Variants in CAVIN1 observed in about 807,000 individuals in gnomAD.
CAVIN1 encodes caveolae-associated protein 1.
In CAVIN1, 16 loss-of-function variants were observed where a neutral mutation model predicts 24.0. The ratio of observed to expected loss-of-function variants is 0.67; its 90% confidence interval spans 0.45 to 1.01. The LOEUF (loss-of-function observed/expected upper bound fraction) is 1.01. Ranked by LOEUF, CAVIN1 falls within the 50% of genes least tolerant of loss-of-function variation. The pLI, the probability that CAVIN1 is intolerant of heterozygous loss-of-function variation, is 0.00. For missense variants in CAVIN1, 510 were observed against 551.7 expected, an observed-to-expected ratio of 0.92 and a Z score of 0.76; for synonymous variants, 256 against 256.4, an observed-to-expected ratio of 1.00 and a Z score of 0.02.
chr17:42,407,500 A>G (rs2085452773), intron 1 of CAVIN1, among the ~76,000 whole-genome samples: 1 of 151,728 alleles, frequency 6.6e-6, no homozygotes, highest in Non-Finnish European at 1.5e-5. Flanking sequence ...ACATCCCCCC[A>G]GAGTTTCCTG....
At position 42,423,044 on chromosome 17, in the gene CAVIN1, G is replaced by C. The variant is rs760165492; in HGVS notation, c.54C>G (p.Asp18Glu). 1.9e-6 allele frequency: 3 copies of C among 1,609,986 alleles called. No homozygotes were observed. Among genetic ancestry groups the C allele is most frequent in the African/African-American group, 1.3e-5 (1 of 74,778 alleles). ...CGGAGGAAGGCTCCGGGGCCTCGGC[G>C]TCGGGGTACCCGGGAAGCGGCCGCT... is the stretch of plus-strand genomic sequence containing the variant. ...IVERPLPGYPDAEAPEPSSAG... is the reference protein window; with the variant it reads ...IVERPLPGYPEAEAPEPSSAG... The change falls in exon 1 of 2, where the codon GAC becomes GAG. Residue 18 changes from aspartate to glutamate, a missense_variant. Physicochemically the swap from Asp to Glu is conservative, Grantham distance 45. Coordinates refer to ENST00000357037, the MANE Select transcript of CAVIN1 (RefSeq NM_012232.6).
At chr17:42,414,307 C>G (rs1336297872) in intron 1 of CAVIN1, among the ~76,000 whole-genome samples, 1 of 152,104 alleles carries the variant, frequency 6.6e-6, no homozygotes, top group Non-Finnish European at 1.5e-5. Flanking sequence ...TCCCTTTGGC[C>G]ACGTCCCCAC....
chr17:42,409,355 C>T (rs1353547042), intron 1 of CAVIN1, among the ~76,000 whole-genome samples: 1 of 152,168 alleles, frequency 6.6e-6, no homozygotes, highest in Non-Finnish European at 1.5e-5. Flanking sequence ...CTTGCCTCGG[C>T]CTCCCAAAGT....
rs531661585 is a variant in CAVIN1, at chr17:42,405,682, G to GTTTTTTTTTTTT, written c.472-306_472-295dup. Among the ~76,000 whole-genome samples, 897 of 57,538 alleles carry GTTTTTTTTTTTT rather than the reference G, an allele frequency of 0.016. 42 individuals are homozygous for GTTTTTTTTTTTT. Among genetic ancestry groups the GTTTTTTTTTTTT allele is most frequent in the African/African-American group, 0.03 (608 of 20,326 alleles). 37.7% of individuals were successfully genotyped at this position (57,538 alleles called of 152,430 possible). On this transcript the variant is annotated intron_variant, in intron 1 of 1. Coordinates refer to ENST00000357037, the MANE Select transcript of CAVIN1 (RefSeq NM_012232.6). ...CCATTCTTTCTCTCTCTCTCTCCTTGTTTTTTTTTTTTTTTTTTTTTTTAA... is the reference window on the plus strand; with the variant it reads ...CCATTCTTTCTCTCTCTCTCTCCTTGTTTTTTTTTTTTTTTTTTTTTTTTTTTTTTTTTTTAA...
Position 42,404,979 on chromosome 17 carries a change from C to T in CAVIN1, c.881G>A (p.Arg294Gln). Residue 294 changes from arginine (R) to glutamine (Q), a missense_variant, in exon 2 of 2, where the codon CGG becomes CAG. Transcript: ENST00000357037. Reference sequence around the variant, plus strand: ...CGTGAAGGATTTGCGCAACTTGTCCCGCGACGTCTTCAGTTTCTCGCGCCG... The same window carrying T: ...CGTGAAGGATTTGCGCAACTTGTCCTGCGACGTCTTCAGTTTCTCGCGCCG... ...AERREKLKTS[R>Q]DKLRKSFTPD... 6.2e-7 allele frequency: 1 copy of T among 1,614,126 alleles called. No individual in the cohort carries two copies. The highest frequency in any genetic ancestry group is 8.5e-7 in the Non-Finnish European group (1 of 1,180,000).
intron 1 of CAVIN1, among the ~76,000 whole-genome samples, chr17:42,421,483 G>T (rs2085544933): frequency 6.6e-6 from 1 of 152,106 alleles, no homozygotes; most frequent in Admixed American, 6.5e-5. Flanking sequence ...TGCCCCACAC[G>T]ATCCCGCCTC....
chr17:42,411,208 A>AAC (rs2085475849), intron 1 of CAVIN1, among the ~76,000 whole-genome samples: 1 of 138,792 alleles, frequency 7.2e-6, no homozygotes, highest in African/African-American at 2.6e-5. Context: ...AAAAAAAAAA[A>AAC]ACTAAAAGGT....
chr17:42,411,161 C>G (rs1247113729), intron 1 of CAVIN1, among the ~76,000 whole-genome samples: 1 of 115,424 alleles, frequency 8.7e-6, no homozygotes, highest in Non-Finnish European at 1.7e-5. Flanking sequence ...CCACTGCACT[C>G]CAACCTGGGT....
intron 1 of CAVIN1, 82 bp from the exon 2 acceptor site, chr17:42,405,470 GGA>G: frequency 9.2e-6 from 13 of 1,416,996 alleles, no homozygotes; most frequent in Non-Finnish European, 1.3e-5. Flanking sequence ...TGACGATCCT[GGA>G]GAGAGGGGAG....
chr17:42,420,257 G>C (rs911328911), intron 1 of CAVIN1, among the ~76,000 whole-genome samples: 1 of 152,172 alleles, frequency 6.6e-6, no homozygotes, highest in Non-Finnish European at 1.5e-5. Context: ...TACCATAAAT[G>C]CTGCTGCCCC....
intron 1 of CAVIN1, among the ~76,000 whole-genome samples, chr17:42,419,332 G>A (rs1016027405): frequency 1.4e-4 from 20 of 144,896 alleles, no homozygotes; most frequent in Admixed American, 1.2e-3. Flanking sequence ...TATTATTTTT[G>A]AGATGGAGTC....
chr17:42,421,804 C>A (rs2085548504), intron 1 of CAVIN1, among the ~76,000 whole-genome samples: 1 of 152,048 alleles, frequency 6.6e-6, no homozygotes, highest in Non-Finnish European at 1.5e-5. Context: ...CGCAGGCATG[C>A]GGGGTGATTC....
chr17:42,405,210 CG>C lies in CAVIN1; in HGVS notation c.649del (p.Arg217AlafsTer58), dbSNP rs760797731. On this transcript the variant is annotated frameshift_variant, in exon 2 of 2. Transcript: ENST00000357037. LOFTEE classifies it high-confidence loss of function. ...VEVEEVIEES[R>X]AERIKRSGLR... is the part of the protein sequence containing the mutation. ...GCCGCTGCGCTTGATACGCTCTGCG[CG>C]GGACTCCTCAATAACCTCCTCAACC... 1.2e-6 allele frequency: 2 copies of C among 1,614,040 alleles called. No homozygotes were observed. The highest frequency in any genetic ancestry group is 2.2e-5 in the South Asian group (2 of 91,090).
At chr17:42,412,252 T>C (rs976733555) in intron 1 of CAVIN1, 1 of 984,606 alleles carries the variant, frequency 1.0e-6, no homozygotes, top group Non-Finnish European at 1.2e-6. Context: ...CTTCTTGGGC[T>C]AAGATGAGGA....
At chr17:42,405,491 G>GT in intron 1 of CAVIN1, 103 bp from the exon 2 acceptor site, 1 of 1,221,274 alleles carries the variant, frequency 8.2e-7, no homozygotes, top group Non-Finnish European at 1.2e-6. Flanking sequence ...AGCATGGGAC[G>GT]CTCGTGGTCC....
At position 42,406,485 on chromosome 17, in the gene CAVIN1, C is replaced by T. The variant is rs1053242277; in HGVS notation, c.472-1097G>A. ...TGCCTCCCAGGTTCAAGCAATTCTCCTGCCTCAGCCTCCTGAGTAGCTGGG... is the reference window on the plus strand; with the variant it reads ...TGCCTCCCAGGTTCAAGCAATTCTCTTGCCTCAGCCTCCTGAGTAGCTGGG... On this transcript the variant is annotated intron_variant, in intron 1 of 1. Coordinates refer to ENST00000357037, the MANE Select transcript of CAVIN1 (RefSeq NM_012232.6). Among the ~76,000 whole-genome samples the T allele has an allele frequency of 1.3e-5, 2 of 152,058 alleles. 1 individual carries two copies. Among genetic ancestry groups the T allele is most frequent in the South Asian group, 4.1e-4 (2 of 4,822 alleles).
At chr17:42,409,371 G>C (rs1365095962) in intron 1 of CAVIN1, among the ~76,000 whole-genome samples, 1 of 152,198 alleles carries the variant, frequency 6.6e-6, no homozygotes, top group Non-Finnish European at 1.5e-5. Context: ...AAAGTGCTGA[G>C]ATTTCTCGCA....
intron 1 of CAVIN1, among the ~76,000 whole-genome samples, chr17:42,418,574 C>T (rs962069729): frequency 6.6e-6 from 1 of 152,114 alleles, no homozygotes; most frequent in Non-Finnish European, 1.5e-5. Flanking sequence ...TAAAAGAGCC[C>T]TACTCTCCAA....
chr17:42,414,009 T>C (rs2085497407), intron 1 of CAVIN1, among the ~76,000 whole-genome samples: 3 of 152,104 alleles, frequency 2.0e-5, no homozygotes, highest in Admixed American at 1.3e-4. Flanking sequence ...GTGATTCTCC[T>C]GCCTCAGCCT....
Sources: allele counts gnomAD v4.1 joint callset (sites outside exome capture counted in the v4.1 genomes callset), GRCh38; gene constraint gnomAD v4.1.1; transcripts MANE v1.5; gene names NCBI Gene and HGNC (gene_info 2026-07-23, HGNC 2026-07-21).